Variants in HSPBAP1 observed in about 807,000 individuals in gnomAD.
HSPBAP1 encodes the protein HSPB1-associated protein 1.
A neutral mutation model predicts 45.2 loss-of-function variants in HSPBAP1; 27 were observed. The ratio of observed to expected loss-of-function variants is 0.60; its 90% CI spans 0.44 to 0.82. The LOEUF is 0.82. HSPBAP1 is among the 40% of genes least tolerant of loss of function. HSPBAP1 has a pLI of 0.00. For synonymous variants in HSPBAP1, 204 were observed against 202.7 expected, an observed-to-expected ratio of 1.01 and a Z score of -0.06; for missense variants, 510 against 590.9, an observed-to-expected ratio of 0.86 and a Z score of 1.42.
chr3:122,785,951 T>C (rs1935641935), intron 1 of HSPBAP1, among the ~76,000 whole-genome samples: 1 of 152,136 alleles, frequency 6.6e-6, no homozygotes, highest in Non-Finnish European at 1.5e-5. Flanking sequence ...CGAGTCAGCC[T>C]TTTTGCCCTC....
chr3:122,771,595 C>T (rs1935002454), intron 2 of HSPBAP1, among the ~76,000 whole-genome samples: 2 of 152,208 alleles, frequency 1.3e-5, no homozygotes, highest in African/African-American at 4.8e-5. Flanking sequence ...TGCATAAACT[C>T]TAAACAGGTC....
chr3:122,793,760 GA>G lies in HSPBAP1; in HGVS notation c.-81del. ...GGTCAGAGTAGGGGCCAAACTCCGAGACCCGAAGCTGCACCACAGGAAGGAG... is the reference window on the plus strand; with the variant it reads ...GGTCAGAGTAGGGGCCAAACTCCGAGCCCGAAGCTGCACCACAGGAAGGAG... On this transcript the variant is annotated 5_prime_UTR_variant, in exon 1 of 8. Transcript: ENST00000306103. The G allele has an allele frequency of 7.5e-7, 1 of 1,325,274 alleles. No individual in the cohort carries two copies. 82.1% of individuals were successfully genotyped at this position (1,325,274 alleles called of 1,614,324 possible).
intron 5 of HSPBAP1, chr3:122,753,154 G>T: frequency 3.6e-6 from 1 of 281,422 alleles, no homozygotes; most frequent in Non-Finnish European, 5.3e-6. Context: ...TTTCAGAGGT[G>T]GGTGAAACAG....
chr3:122,781,423 C>T (rs528114348), intron 1 of HSPBAP1, among the ~76,000 whole-genome samples: 61 of 151,790 alleles, frequency 4.0e-4, no homozygotes, highest in African/African-American at 1.4e-3. Flanking sequence ...GGCGTGGCGG[C>T]GCGTGCCTGC....
chr3:122,751,101 T>C (rs908718391), intron 6 of HSPBAP1, among the ~76,000 whole-genome samples: 5 of 152,202 alleles, frequency 3.3e-5, no homozygotes, highest in Admixed American at 3.3e-4. Flanking sequence ...GCACTGGAGA[T>C]ATTTAGGATC....
chr3:122,780,467 G>A (rs1197641218), intron 1 of HSPBAP1, among the ~76,000 whole-genome samples: 1,289 of 112,294 alleles, frequency 0.011, 19 homozygotes, highest in South Asian at 0.017. Context: ...GGGCAGAGGC[G>A]CCCCTCACCT....
rs766848080 is a variant in HSPBAP1, at chr3:122,759,214, C to A, written c.569+10G>T. On this transcript the variant is annotated intron_variant, in intron 4 of 7. Coordinates refer to ENST00000306103, the MANE Select transcript of HSPBAP1 (RefSeq NM_024610.6). ...ACACACACACACACACACACACACACACACATTACCTTCCTTGTACCTGGA... is the reference window on the plus strand; with the variant it reads ...ACACACACACACACACACACACACAAACACATTACCTTCCTTGTACCTGGA... 5 of 1,609,404 alleles carry A rather than the reference C, an allele frequency of 3.1e-6. No homozygotes were observed. Among genetic ancestry groups the A allele is most frequent in the African/African-American group, 1.3e-5 (1 of 74,664 alleles).
chr3:122,773,054 T>C (rs1460874739), intron 2 of HSPBAP1, among the ~76,000 whole-genome samples: 1 of 152,028 alleles, frequency 6.6e-6, no homozygotes, highest in Non-Finnish European at 1.5e-5. Context: ...TCTTGCTATG[T>C]TGCCCAGGCT....
chr3:122,744,827 T>C (rs755869693), intron 6 of HSPBAP1, among the ~76,000 whole-genome samples: 1 of 152,142 alleles, frequency 6.6e-6, no homozygotes, highest in Non-Finnish European at 1.5e-5. Context: ...GAACAAACAG[T>C]ATTAAAAACA....
At chr3:122,768,941 T>G (rs1362175403) in intron 2 of HSPBAP1, 59 bp from the exon 3 acceptor site, 95 of 1,137,996 alleles carry the variant, frequency 8.3e-5, no homozygotes, top group Non-Finnish European at 1.1e-4. Context: ...TAATTATTGT[T>G]TTTTTTTTAA....
At chr3:122,762,734 T>C (rs1350833787) in intron 3 of HSPBAP1, among the ~76,000 whole-genome samples, 2 of 152,232 alleles carry the variant, frequency 1.3e-5, no homozygotes, top group Non-Finnish European at 2.9e-5. Context: ...TGAGAGAACA[T>C]AATTTGTATG....
At chr3:122,748,655 A>ATTT (rs1394102209) in intron 6 of HSPBAP1, among the ~76,000 whole-genome samples, 1 of 152,234 alleles carries the variant, frequency 6.6e-6, no homozygotes, top group African/African-American at 2.4e-5. Flanking sequence ...GCAAAATGGC[A>ATTT]CAATCACAAT....
intron 5 of HSPBAP1, chr3:122,753,697 G>A: frequency 1.0e-6 from 1 of 984,366 alleles, no homozygotes; most frequent in Non-Finnish European, 1.2e-6. Flanking sequence ...AGGCAGGACT[G>A]GGAAATAGAA....
chr3:122,764,729 T>G (rs1324369453), intron 3 of HSPBAP1, among the ~76,000 whole-genome samples: 1 of 152,200 alleles, frequency 6.6e-6, no homozygotes, highest in Non-Finnish European at 1.5e-5. Context: ...TTTGTGACAG[T>G]ACAAAACAAA....
intron 4 of HSPBAP1, chr3:122,758,742 T>A (rs1160397705): frequency 8.8e-6 from 4 of 453,956 alleles, no homozygotes; most frequent in African/African-American, 8.0e-5. Context: ...TAAAAAGTTT[T>A]TTAAATTAGC....
chr3:122,789,236 T>C (rs1188941519), intron 1 of HSPBAP1, among the ~76,000 whole-genome samples: 1 of 152,208 alleles, frequency 6.6e-6, no homozygotes, highest in African/African-American at 2.4e-5. Context: ...CATACAACTC[T>C]AGATGAGATA....
chr3:122,759,636 A>G (rs967238848), intron 3 of HSPBAP1, among the ~76,000 whole-genome samples: 23 of 152,236 alleles, frequency 1.5e-4, no homozygotes, highest in Non-Finnish European at 2.8e-4. Flanking sequence ...TAATGAATCA[A>G]TGAACAAAAG....
intron 1 of HSPBAP1, among the ~76,000 whole-genome samples, chr3:122,788,901 T>C (rs899913924): frequency 3.9e-5 from 6 of 152,212 alleles, no homozygotes; most frequent in South Asian, 2.1e-4. Flanking sequence ...CTAACACTAC[T>C]AACACTGAAA....
intron 2 of HSPBAP1, among the ~76,000 whole-genome samples, chr3:122,775,572 C>T (rs1935165204): frequency 6.6e-6 from 1 of 152,130 alleles, no homozygotes; most frequent in African/African-American, 2.4e-5. Flanking sequence ...CCTTGGCCTC[C>T]CAAAGTGCTG....
Sources: gnomAD v4.1 joint callset for allele counts (sites outside exome capture counted in the v4.1 genomes callset) on GRCh38, gnomAD v4.1.1 for gene constraint, MANE v1.5 for transcripts, NCBI Gene and HGNC (gene_info 2026-07-23, HGNC 2026-07-21) for gene names.